NCOA2: variants seen among roughly 807,000 people sequenced by gnomAD.
NCOA2 encodes nuclear receptor coactivator 2, also known as class E basic helix-loop-helix protein 75.
Under a neutral mutation model 145.1 loss-of-function variants are expected in NCOA2, and 21 were observed. The ratio of observed to expected loss-of-function variants is 0.14; its 90% CI spans 0.10 to 0.21. The LOEUF (loss-of-function observed/expected upper bound fraction) is 0.21. Among genes scored for constraint, NCOA2 ranks in the 10% least tolerant of loss-of-function variants. The pLI, the probability that NCOA2 is intolerant of heterozygous loss-of-function variation, is 1.00. For synonymous variants in NCOA2, 619 were observed against 637.5 expected (o/e 0.97, Z 0.44); for missense variants, 1,472 against 1,837.6 (o/e 0.80, Z 3.64).
At chr8:70,407,352 G>C (rs985428690), upstream of NCOA2, among the ~76,000 whole-genome samples, 3 of 152,146 alleles carry the variant, frequency 2.0e-5, no homozygotes, top group African/African-American at 7.2e-5. Flanking sequence ...GTCATTGTAT[G>C]TATATTATTC....
At position 70,171,271 on chromosome 8, in the gene NCOA2, G is replaced by A. The variant is rs376159347; in HGVS notation, c.364-892C>T. On this transcript the variant is annotated intron_variant, in intron 5 of 22. Coordinates refer to ENST00000452400, the MANE Select transcript of NCOA2 (RefSeq NM_006540.4). ...GTGCCTTACAAGTACCTCCTGGAAG[G>A]AATCTTTTATCTTTCCCAATTTACA... Among the ~76,000 whole-genome samples the A allele has an allele frequency of 2.0e-5, 3 of 152,268 alleles. No individual in the cohort carries two copies. In the East Asian group the frequency reaches 5.8e-4, roughly 29 times the overall value.
chr8:70,273,919 G>C, intron 2 of NCOA2: 1 of 426,230 alleles, frequency 2.3e-6, no homozygotes, highest in Non-Finnish European at 4.5e-6. Context: ...TTTATATTAT[G>C]ACTGCTTTTT....
At chr8:70,167,666 C>T (rs142250040) in intron 6 of NCOA2, among the ~76,000 whole-genome samples, 81 of 152,200 alleles carry the variant, frequency 5.3e-4, no homozygotes, top group African/African-American at 1.7e-3. Context: ...AAATACAGTG[C>T]AAATGTCATT....
chr8:70,328,158 T>G (rs1806763511), intron 1 of NCOA2, among the ~76,000 whole-genome samples: 1 of 152,236 alleles, frequency 6.6e-6, no homozygotes, highest in South Asian at 2.1e-4. Flanking sequence ...GTTGAAGACC[T>G]GTAAATGGCA....
At chr8:70,288,947 C>T (rs1019832920) in intron 2 of NCOA2, among the ~76,000 whole-genome samples, 4 of 151,946 alleles carry the variant, frequency 2.6e-5, no homozygotes, top group African/African-American at 9.7e-5. Context: ...CATCTAGTTA[C>T]AAAAAAATCT....
chr8:70,345,509 G>T (rs1216881047), intron 1 of NCOA2, among the ~76,000 whole-genome samples: 1 of 152,112 alleles, frequency 6.6e-6, no homozygotes, highest in African/African-American at 2.4e-5. Context: ...TATAATGCTT[G>T]GACCCATTCC....
At chr8:70,170,888 A>G (rs572642051) in intron 5 of NCOA2, among the ~76,000 whole-genome samples, 6 of 152,210 alleles carry the variant, frequency 3.9e-5, no homozygotes, top group Non-Finnish European at 1.5e-5. Flanking sequence ...CACGGATTAT[A>G]TGAAAAACAT....
At chr8:70,401,268 T>C (rs988454012) in intron 1 of NCOA2, among the ~76,000 whole-genome samples, 5 of 152,186 alleles carry the variant, frequency 3.3e-5, no homozygotes, top group African/African-American at 9.7e-5. Flanking sequence ...CAATAAACAG[T>C]TAAAACCAAA....
chr8:70,175,511 G>A (rs1423716161), intron 4 of NCOA2, among the ~76,000 whole-genome samples: 3 of 152,224 alleles, frequency 2.0e-5, no homozygotes, highest in Non-Finnish European at 2.9e-5. Flanking sequence ...CGTAGCGTGC[G>A]CTCCTGGATG....
intron 1 of NCOA2, among the ~76,000 whole-genome samples, chr8:70,301,615 C>T (rs1827494391): frequency 7.2e-6 from 1 of 139,402 alleles, no homozygotes; most frequent in Admixed American, 7.7e-5. Flanking sequence ...GTGATCACGC[C>T]ACTGCATTCC....
intron 1 of NCOA2, among the ~76,000 whole-genome samples, chr8:70,402,987 C>G (rs186936095): frequency 0.081 from 11,842 of 145,724 alleles, 569 homozygotes; most frequent in East Asian, 0.12. Context: ...CCTCGCCCCC[C>G]ACCCCCGGGG....
chr8:70,318,202 C>T (rs994927843), intron 1 of NCOA2, among the ~76,000 whole-genome samples: 3 of 152,172 alleles, frequency 2.0e-5, no homozygotes, highest in Non-Finnish European at 4.4e-5. Context: ...TAATGTGCCC[C>T]ACCTGGAACT....
intron 1 of NCOA2, among the ~76,000 whole-genome samples, chr8:70,387,189 A>T (rs1240028936): frequency 1.3e-5 from 2 of 152,224 alleles, no homozygotes; most frequent in Non-Finnish European, 2.9e-5. Context: ...TACTGTAGAC[A>T]GAGTCTTGCT....
In NCOA2 at chr8:70,123,978, C is replaced by A. The variant is rs1449094046; in HGVS notation, c.4199G>T (p.Gly1400Val). 6.2e-7 allele frequency: 1 copy of A among 1,613,882 alleles called. No homozygotes were observed. The highest frequency in any genetic ancestry group is 8.5e-7 in the Non-Finnish European group (1 of 1,179,882). The change falls in exon 21 of 23, where the codon GGC (glycine) becomes GTC (valine). Residue 1400 changes from glycine (G) to valine (V), a missense_variant. This residue lies in a region of NCOA2 where 232 missense variants were observed against 290.6 expected (regional missense o/e 0.80). Transcript: ENST00000452400. ...INVSMATNTG[G>V]MSSMNQMTGQ... ...TGTCATCTGGTTCATGCTGCTCATG[C>A]CACCTGTGTTGGTCGCCATGGACAC... is the stretch of plus-strand genomic sequence containing the variant.
intron 22 of NCOA2, among the ~76,000 whole-genome samples, chr8:70,114,392 G>A (rs897857742): frequency 1.3e-5 from 2 of 152,182 alleles, no homozygotes; most frequent in Non-Finnish European, 2.9e-5. Flanking sequence ...AATACCAAAG[G>A]TTATAGTGAG....
intron 2 of NCOA2, among the ~76,000 whole-genome samples, chr8:70,269,599 A>G (rs1824885424): frequency 6.6e-6 from 1 of 152,230 alleles, no homozygotes; most frequent in Non-Finnish European, 1.5e-5. Context: ...TGGTAGCACT[A>G]AGCTAATAAA....
intron 4 of NCOA2, among the ~76,000 whole-genome samples, chr8:70,205,496 C>T (rs1818340071): frequency 6.6e-6 from 1 of 152,094 alleles, no homozygotes; most frequent in African/African-American, 2.4e-5. Flanking sequence ...GGACCTTCTA[C>T]TATCATCCAC....
At chr8:70,216,822 T>C (rs1425010124) in intron 2 of NCOA2, 58 bp from the exon 3 acceptor site, 44 of 1,075,434 alleles carry the variant, frequency 4.1e-5, no homozygotes, top group Non-Finnish European at 5.6e-5. Flanking sequence ...TGATGAAGTG[T>C]CTGATCATTT....
intron 16 of NCOA2, among the ~76,000 whole-genome samples, chr8:70,129,914 C>T (rs1330946685): frequency 6.6e-6 from 1 of 152,204 alleles, no homozygotes; most frequent in Admixed American, 6.5e-5. Flanking sequence ...AGGTGATCTG[C>T]CCGTTTCAGC....
Sources: gnomAD v4.1 joint callset for allele counts (sites outside exome capture counted in the v4.1 genomes callset) on GRCh38, gnomAD v4.1.1 for gene constraint, gnomAD v4.1.1 regional missense constraint, MANE v1.5 for transcripts, NCBI Gene and HGNC (gene_info 2026-07-23, HGNC 2026-07-21) for gene names.